Variants in PPIB observed in about 807,000 individuals in gnomAD.
The protein encoded by PPIB is peptidyl-prolyl cis-trans isomerase B.
In PPIB, 15 loss-of-function variants were observed where a neutral mutation model predicts 20.1. The observed-to-expected ratio is 0.75, with a 90% CI of 0.50 to 1.15. The LOEUF (loss-of-function observed/expected upper bound fraction) is 1.15. PPIB is among the 50% of genes most tolerant of loss of function. The probability of loss-of-function intolerance (pLI) is 0.00; values close to 1 mark genes in which losing one functional copy is unlikely to be tolerated. For synonymous variants in PPIB, 129 were observed against 111.0 expected (o/e 1.16, Z -1.02); for missense variants, 278 against 283.0 (o/e 0.98, Z 0.13).
chr15:64,160,455 C>T lies in PPIB; in HGVS notation c.250-258G>A, dbSNP rs1167656766. Reference sequence around the variant, plus strand: ...AATTCTACATCACATAATGCTTTTCCCCTCATTTCTTCCAATCATAAGAAC... The same window carrying T: ...AATTCTACATCACATAATGCTTTTCTCCTCATTTCTTCCAATCATAAGAAC... On this transcript the variant is annotated intron_variant, in intron 2 of 4. Transcript: ENST00000300026. This position sits in a 1 kb window ranked among gnomAD's most constrained non-coding sequence, Gnocchi z 4.8. Among the ~76,000 whole-genome samples the T allele has an allele frequency of 2.6e-5, 4 of 152,088 alleles. No individual in the cohort carries two copies. The highest frequency in any genetic ancestry group is 7.2e-5 in the African/African-American group (3 of 41,390).
chr15:64,155,942 C>G lies in PPIB; in HGVS notation c.*81G>C. 1 of 1,603,734 alleles carries G rather than the reference C, an allele frequency of 6.2e-7. No individual in the cohort carries two copies. The highest frequency in any genetic ancestry group is 2.2e-5 in the East Asian group (1 of 44,828). On this transcript the variant is annotated 3_prime_UTR_variant, in exon 5 of 5. Coordinates refer to ENST00000300026, the MANE Select transcript of PPIB (RefSeq NM_000942.5). The stretch of plus-strand genomic sequence containing the variant: ...GGTCCGCTCCACCAGATGCCAGCAC[C>G]GGGGCCAGTGCAGCTCAGAGCCCTG...
At position 64,156,444 on chromosome 15, in the gene PPIB, CTG is replaced by C. The variant is rs1034409785; in HGVS notation, c.528+279_528+280del. ...CAGGGACATTGCGTTCAGCTGCACT[CTG>C]TATACCTCAGGGGTGGGACCAGCAC... On this transcript the variant is annotated intron_variant, in intron 4 of 4. Coordinates refer to ENST00000300026, the MANE Select transcript of PPIB (RefSeq NM_000942.5). The surrounding 1 kb of genome is among the most constrained non-coding windows in gnomAD (Gnocchi z 6.4). 2.8e-5 allele frequency: 17 copies of C among 616,388 alleles called. No homozygotes were observed. Among genetic ancestry groups the C allele is most frequent in the South Asian group, 3.8e-5 (2 of 52,378 alleles). 38.2% of individuals were successfully genotyped at this position (616,388 alleles called of 1,614,324 possible). A position where few individuals can be genotyped will look rare whatever the true frequency, so the allele number is the denominator to read the frequency against.
Position 64,159,788 on chromosome 15 carries a change from C to T in PPIB, c.343+316G>A. 1 of 464,868 alleles carries T rather than the reference C, an allele frequency of 2.2e-6. No individual in the cohort carries two copies. The highest frequency in any genetic ancestry group is 2.0e-5 in the African/African-American group (1 of 50,776). The allele number at this position is 464,868 out of a possible 1,614,324, so 28.8% of individuals were successfully genotyped here. On this transcript the variant is annotated intron_variant, in intron 3 of 4. Transcript: ENST00000300026. This position sits in a 1 kb window ranked among gnomAD's most constrained non-coding sequence, Gnocchi z 5.1. Reference sequence around the variant, plus strand: ...TACCCACATGTCTTCACTTTGCTTCCACACGCCTCTCTCCCCAATCCCCAT... The same window carrying T: ...TACCCACATGTCTTCACTTTGCTTCTACACGCCTCTCTCCCCAATCCCCAT...
rs749987416 is a variant in PPIB, at chr15:64,162,936, G to A, written c.51C>T (p.Leu17=). ...GCAGGAAGAAGACGGACCCCGCGATGAGGGCGGCGGCAAGGAGCACCTTCA... is the reference window on the plus strand; with the variant it reads ...GCAGGAAGAAGACGGACCCCGCGATAAGGGCGGCGGCAAGGAGCACCTTCA... ...RNMKVLLAAA[L]IAGSVFFLLL... is the part of the protein sequence containing the mutation. The change falls in exon 1 of 5, where the codon CTC becomes CTT. Residue 17 remains leucine, a synonymous_variant. Coordinates refer to ENST00000300026, the MANE Select transcript of PPIB (RefSeq NM_000942.5). 7 of 1,613,534 alleles carry A rather than the reference G, an allele frequency of 4.3e-6. No homozygotes were observed. In the South Asian group the frequency reaches 4.4e-5, roughly 10 times the overall value.
Position 64,156,454 on chromosome 15 carries a change from C to A in PPIB, c.528+271G>T. The A allele has an allele frequency of 3.2e-6, 2 of 617,290 alleles. No individual in the cohort carries two copies. Among genetic ancestry groups the A allele is most frequent in the Non-Finnish European group, 5.7e-6 (2 of 348,092 alleles). The allele number at this position is 617,290 out of a possible 1,614,324, so 38.2% of individuals were successfully genotyped here. On this transcript the variant is annotated intron_variant, in intron 4 of 4. Transcript: ENST00000300026. The surrounding 1 kb of genome is among the most constrained non-coding windows in gnomAD (Gnocchi z 6.4). ...GCGTTCAGCTGCACTCTGTATACCT[C>A]AGGGGTGGGACCAGCACGTCACTGA...
Position 64,160,622 on chromosome 15 carries a change from C to T in PPIB, c.250-425G>A, listed in dbSNP as rs2081559456. On this transcript the variant is annotated intron_variant, in intron 2 of 4. Coordinates refer to ENST00000300026, the MANE Select transcript of PPIB (RefSeq NM_000942.5). The surrounding 1 kb of genome is among the most constrained non-coding windows in gnomAD (Gnocchi z 4.8). ...TCCCCAGGAAGCTCTGGACCCCTTACTCTTTTTTATCTCATTTTTTAAATT... is the reference window on the plus strand; with the variant it reads ...TCCCCAGGAAGCTCTGGACCCCTTATTCTTTTTTATCTCATTTTTTAAATT... Among the ~76,000 whole-genome samples, 1 of 152,186 alleles carries T rather than the reference C, an allele frequency of 6.6e-6. No individual in the cohort carries two copies. Among genetic ancestry groups the T allele is most frequent in the Admixed American group, 6.5e-5 (1 of 15,270 alleles).
rs755547351 is a variant in PPIB at position 64,156,895 on chromosome 15, C to G, written c.358G>C (p.Gly120Arg). 5 of 1,614,084 alleles carry G rather than the reference C, an allele frequency of 3.1e-6. No homozygotes were observed. The highest frequency in any genetic ancestry group is 3.4e-6 in the Non-Finnish European group (4 of 1,179,996). Residue 120 changes from glycine to arginine, a missense_variant, in exon 4 of 5, where the codon GGT becomes CGT. Transcript: ENST00000300026. This position sits in a 1 kb window ranked among gnomAD's most constrained non-coding sequence, Gnocchi z 6.4. Reference sequence around the variant, plus strand: ...AAGTTCTCATCGGGGAAGCGCTCACCGTAGATGCTCTTTCCTGGGAAAAAA... The same window carrying G: ...AAGTTCTCATCGGGGAAGCGCTCACGGTAGATGCTCTTTCCTGGGAAAAAA... ...GDGTGGKSIY[G>R]ERFPDENFKL...
intron 1 of PPIB, among the ~76,000 whole-genome samples, chr15:64,162,364 C>A (rs1165031630): frequency 1.3e-5 from 2 of 152,184 alleles, no homozygotes; most frequent in East Asian, 1.9e-4. Flanking sequence ...CTTATCTATA[C>A]CCTCCTTGGA....
chr15:64,156,530 C>A lies in PPIB; in HGVS notation c.528+195G>T. ...CAGTTGTGCAGCCTTCCTGGCTGGG[C>A]TCTGAGGGGGCTGGAAGAATTTAGA... On this transcript the variant is annotated intron_variant, in intron 4 of 4. Coordinates refer to ENST00000300026, the MANE Select transcript of PPIB (RefSeq NM_000942.5). The surrounding 1 kb of genome is among the most constrained non-coding windows in gnomAD (Gnocchi z 6.4). The A allele has an allele frequency of 1.4e-6, 1 of 737,778 alleles. No individual in the cohort carries two copies. The highest frequency in any genetic ancestry group is 2.3e-6 in the Non-Finnish European group (1 of 431,528). The allele number at this position is 737,778 out of a possible 1,614,324, so 45.7% of individuals were successfully genotyped here. A position where few individuals can be genotyped will look rare whatever the true frequency, so the allele number is the denominator to read the frequency against.
In PPIB at chr15:64,158,816, G is replaced by A. The variant is rs1158476292; in HGVS notation, c.343+1288C>T. ...CCCACTGAAATCTTTCCTCACATCC[G>A]CAAGGTCATTCCCCCGTTCCCTGGC... On this transcript the variant is annotated intron_variant, in intron 3 of 4. Transcript: ENST00000300026. This position sits in a 1 kb window ranked among gnomAD's most constrained non-coding sequence, Gnocchi z 4.7. 6.6e-6 allele frequency among the ~76,000 whole-genome samples: 1 copy of A among 152,152 alleles called. No individual in the cohort carries two copies. The highest frequency in any genetic ancestry group is 6.5e-5 in the Admixed American group (1 of 15,282).
chr15:64,163,011 C>G lies in PPIB; in HGVS notation c.-25G>C, dbSNP rs772067068. 58 of 1,569,964 alleles carry G rather than the reference C, an allele frequency of 3.7e-5. No homozygotes were observed. The highest frequency in any genetic ancestry group is 2.6e-4 in the East Asian group (11 of 41,882). On this transcript the variant is annotated 5_prime_UTR_variant, in exon 1 of 5. Coordinates refer to ENST00000300026, the MANE Select transcript of PPIB (RefSeq NM_000942.5). Reference sequence around the variant, plus strand: ...TCCACAGGCGGAGGCGAAAGCAGCCCGGACAGCTGAGGCCGGAAGAGGGTG... The same window carrying G: ...TCCACAGGCGGAGGCGAAAGCAGCCGGGACAGCTGAGGCCGGAAGAGGGTG...
Position 64,159,125 on chromosome 15 carries a change from T to C in PPIB, c.343+979A>G, listed in dbSNP as rs950894760. 6.6e-6 allele frequency: 1 copy of C among 152,236 alleles called. No individual in the cohort carries two copies. The highest frequency in any genetic ancestry group is 1.5e-5 in the Non-Finnish European group (1 of 68,052). 9.4% of individuals were successfully genotyped at this position (152,236 alleles called of 1,614,324 possible). ...AGCCTGAGTCCTAAACGCTGCATCATGGCTCACTTGTACATTTTCAGTTGT... is the reference window on the plus strand; with the variant it reads ...AGCCTGAGTCCTAAACGCTGCATCACGGCTCACTTGTACATTTTCAGTTGT... On this transcript the variant is annotated intron_variant, in intron 3 of 4. Coordinates refer to ENST00000300026, the MANE Select transcript of PPIB (RefSeq NM_000942.5). The surrounding 1 kb of genome is among the most constrained non-coding windows in gnomAD (Gnocchi z 5.1).
intron 1 of PPIB, 103 bp from the exon 2 acceptor site, chr15:64,162,257 A>G (rs547775009): frequency 8.3e-6 from 7 of 841,838 alleles, no homozygotes; most frequent in Admixed American, 5.2e-5. Flanking sequence ...GAATAGAGCC[A>G]TATTTTTAGA....
chr15:64,159,940 C>A lies in PPIB; in HGVS notation c.343+164G>T, dbSNP rs1040027776. The A allele has an allele frequency of 1.4e-6, 1 of 701,816 alleles. No individual in the cohort carries two copies. Among genetic ancestry groups the A allele is most frequent in the Non-Finnish European group, 2.6e-6 (1 of 384,544 alleles). 43.5% of individuals were successfully genotyped at this position (701,816 alleles called of 1,614,324 possible). ...TATTCTCTCTCCTTTGTACTGGGTT[C>A]CCTCTTCAAAGAAGGGTGCCGCTGG... On this transcript the variant is annotated intron_variant, in intron 3 of 4. Coordinates refer to ENST00000300026, the MANE Select transcript of PPIB (RefSeq NM_000942.5). This position sits in a 1 kb window ranked among gnomAD's most constrained non-coding sequence, Gnocchi z 5.1.
At chr15:64,162,723 AT>A (rs2081569628) in intron 1 of PPIB, 128 bp downstream of exon 1, 2 of 1,458,604 alleles carry the variant, frequency 1.4e-6, no homozygotes. Flanking sequence ...CCTGGACTGA[AT>A]GGGCAGGACG....
Position 64,159,063 on chromosome 15 carries a change from C to T in PPIB, c.343+1041G>A, listed in dbSNP as rs1305446720. On this transcript the variant is annotated intron_variant, in intron 3 of 4. Transcript: ENST00000300026. This position sits in a 1 kb window ranked among gnomAD's most constrained non-coding sequence, Gnocchi z 5.1. Reference sequence around the variant, plus strand: ...GACACTGGATCGAGCCCAACTGCGTCTGACTCCACAAATACAGTTCTTTGG... The same window carrying T: ...GACACTGGATCGAGCCCAACTGCGTTTGACTCCACAAATACAGTTCTTTGG... Among the ~76,000 whole-genome samples, 2 of 152,244 alleles carry T rather than the reference C, an allele frequency of 1.3e-5. No individual in the cohort carries two copies. The highest frequency in any genetic ancestry group is 4.8e-5 in the African/African-American group (2 of 41,462).
rs1382734086 is a variant in PPIB at position 64,158,889 on chromosome 15, C to A, written c.343+1215G>T. 6.6e-6 allele frequency among the ~76,000 whole-genome samples: 1 copy of A among 152,224 alleles called. No individual in the cohort carries two copies. Among genetic ancestry groups the A allele is most frequent in the African/African-American group, 2.4e-5 (1 of 41,460 alleles). On this transcript the variant is annotated intron_variant, in intron 3 of 4. Transcript: ENST00000300026. This position sits in a 1 kb window ranked among gnomAD's most constrained non-coding sequence, Gnocchi z 4.7. ...CAGCACTTCAACAATGGCTGACTTA[C>A]TAAGCACTCACTGCATGCCAGGCAC...
At position 64,162,205 on chromosome 15, in the gene PPIB, G is replaced by A. The variant is rs28720180; in HGVS notation, c.136-51C>T. ...TAGCTTCTTTAAAGGGGCGTTGCTA[G>A]GGGAGGGAAGGTACAAGAAGCTAAC... On this transcript the variant is annotated intron_variant, in intron 1 of 4. Transcript: ENST00000300026. The A allele has an allele frequency of 7.5e-6, 10 of 1,338,576 alleles. No individual in the cohort carries two copies. The African/African-American group carries it at 1.0e-4, about 13-fold the overall frequency. 82.9% of individuals were successfully genotyped at this position (1,338,576 alleles called of 1,614,324 possible).
At position 64,156,333 on chromosome 15, in the gene PPIB, T is replaced by A; in HGVS notation, c.529-188A>T. On this transcript the variant is annotated intron_variant, in intron 4 of 4. Coordinates refer to ENST00000300026, the MANE Select transcript of PPIB (RefSeq NM_000942.5). The surrounding 1 kb of genome is among the most constrained non-coding windows in gnomAD (Gnocchi z 6.4). ...GGAGAATGCAGATTTGACGAGGGGG[T>A]ACAGGAATTTTGTTCCTTTGAAGTA... 1.2e-6 allele frequency: 1 copy of A among 808,904 alleles called. No homozygotes were observed. Among genetic ancestry groups the A allele is most frequent in the Non-Finnish European group, 2.0e-6 (1 of 497,750 alleles). 50.1% of individuals were successfully genotyped at this position (808,904 alleles called of 1,614,324 possible). A position where few individuals can be genotyped will look rare whatever the true frequency, so the allele number is the denominator to read the frequency against.
Sources: allele counts gnomAD v4.1 joint callset (sites outside exome capture counted in the v4.1 genomes callset), GRCh38; gene constraint gnomAD v4.1.1; non-coding constraint Gnocchi (gnomAD v3.1); transcripts MANE v1.5; gene names NCBI Gene and HGNC (gene_info 2026-07-23, HGNC 2026-07-21).